Variants in MYL4 observed in about 807,000 individuals in gnomAD.
MYL4 encodes the protein atrial myosin light chain 1.
In MYL4, 16 loss-of-function variants were observed where a neutral mutation model predicts 21.6. The observed-to-expected ratio is 0.74, with a 90% CI of 0.50 to 1.12. The LOEUF (loss-of-function observed/expected upper bound fraction) is 1.12, where lower values mean the gene tolerates loss of function less well. Ranked by LOEUF, MYL4 falls within the 50% of genes most tolerant of loss-of-function variation. The pLI is 0.00. For synonymous variants in MYL4, 82 were observed against 95.7 expected, an observed-to-expected ratio of 0.86 and a Z score of 0.83; for missense variants, 249 against 252.9, an observed-to-expected ratio of 0.98 and a Z score of 0.11.
chr17:47,219,809 A>G (rs1345419535), intron 2 of MYL4, 95 bp from the exon 3 acceptor site: 2 of 1,451,390 alleles, frequency 1.4e-6, no homozygotes, highest in Admixed American at 1.7e-5. Context: ...TAACAACCAC[A>G]CTCACCTGCT....
chr17:47,190,614 G>A, the MYL4 span, among the ~76,000 whole-genome samples: 1 of 151,964 alleles, frequency 6.6e-6, no homozygotes, highest in Admixed American at 6.6e-5. Flanking sequence ...CTTCTCCACC[G>A]CCTTGTCTTG....
upstream of MYL4, among the ~76,000 whole-genome samples, chr17:47,204,731 GAAA>G (rs11307481): frequency 1.6e-4 from 22 of 141,436 alleles, no homozygotes; most frequent in Non-Finnish European, 2.1e-4. Flanking sequence ...ACCCTGTCTC[GAAA>G]AAAAAAAAAA....
chr17:47,220,232 C>T (rs532668084), intron 3 of MYL4, among the ~76,000 whole-genome samples, 179 bp downstream of exon 3: 6 of 152,252 alleles, frequency 3.9e-5, no homozygotes, highest in East Asian at 1.9e-4. Flanking sequence ...TAGACGTCCC[C>T]GTACTTAAGT....
intron 1 of MYL4, among the ~76,000 whole-genome samples, chr17:47,201,086 C>T (rs1304910293): frequency 3.3e-5 from 5 of 152,134 alleles, no homozygotes; most frequent in Admixed American, 3.3e-4. Context: ...GCAGAAGAAT[C>T]GCTTGAACTA....
At chr17:47,221,414 G>C (rs928574481) in intron 3 of MYL4, among the ~76,000 whole-genome samples, 9 of 152,152 alleles carry the variant, frequency 5.9e-5, no homozygotes, top group Non-Finnish European at 1.3e-4. Context: ...TTAGAGGTCT[G>C]GGTGGAGGGC....
upstream of MYL4, among the ~76,000 whole-genome samples, chr17:47,205,062 G>A (rs1397268799): frequency 2.6e-5 from 4 of 152,204 alleles, no homozygotes; most frequent in Non-Finnish European, 5.9e-5. Flanking sequence ...ATGAAGGGAG[G>A]AGGAGGAGTG....
At chr17:47,199,491 G>A (rs932875999), upstream of MYL4, among the ~76,000 whole-genome samples, 7 of 151,844 alleles carry the variant, frequency 4.6e-5, no homozygotes, top group African/African-American at 1.5e-4. Context: ...CAGCCTGCAG[G>A]TACTTCTACT....
At chr17:47,209,687 AG>A (rs752709363) in intron 1 of MYL4, 130 bp downstream of exon 1, 1 of 1,390,992 alleles carries the variant, frequency 7.2e-7, no homozygotes, top group Non-Finnish European at 1.0e-6. Flanking sequence ...CCCAGATCGC[AG>A]TCCCATGGGG....
chr17:47,225,247 GTCTATA>G (rs997713847), downstream of MYL4, among the ~76,000 whole-genome samples: 15 of 152,194 alleles, frequency 9.9e-5, no homozygotes, highest in African/African-American at 3.6e-4. Flanking sequence ...CAAGGCCAAG[GTCTATA>G]TACATGCCCT....
At chr17:47,200,068 T>A (rs1651230921), upstream of MYL4, among the ~76,000 whole-genome samples, 1 of 150,234 alleles carries the variant, frequency 6.7e-6, no homozygotes, top group East Asian at 1.9e-4. Flanking sequence ...AATGAATGAA[T>A]GAGAGTAATC....
At chr17:47,204,278 C>A (rs928634330), upstream of MYL4, among the ~76,000 whole-genome samples, 2 of 152,166 alleles carry the variant, frequency 1.3e-5, no homozygotes, top group African/African-American at 4.8e-5. Flanking sequence ...TCAAAGCCAC[C>A]CTTCTACCAC....
chr17:47,218,917 C>T (rs1361995524), intron 2 of MYL4, among the ~76,000 whole-genome samples: 2 of 152,242 alleles, frequency 1.3e-5, no homozygotes, highest in African/African-American at 2.4e-5. Context: ...AGTCCAGTCC[C>T]TGTGGTTCTG....
intron 1 of MYL4, among the ~76,000 whole-genome samples, chr17:47,212,540 A>G (rs576529374): frequency 6.6e-6 from 1 of 152,226 alleles, no homozygotes; most frequent in Non-Finnish European, 1.5e-5. Context: ...GTGTCAGAAG[A>G]CAAAATTAGA....
chr17:47,200,391 T>G (rs1253770032), upstream of MYL4: 1 of 152,192 alleles, frequency 6.6e-6, no homozygotes, highest in African/African-American at 2.4e-5. Context: ...CCTTGCCCCC[T>G]TGGGGGCTAA....
downstream of MYL4, among the ~76,000 whole-genome samples, chr17:47,226,866 T>C (rs1216636778): frequency 2.0e-5 from 3 of 152,140 alleles, no homozygotes; most frequent in East Asian, 3.9e-4. Flanking sequence ...TTCTCTCTCT[T>C]TTTTTTGAAA....
downstream of MYL4, among the ~76,000 whole-genome samples, chr17:47,225,086 T>C (rs577912031): frequency 1.3e-5 from 2 of 152,332 alleles, no homozygotes; most frequent in East Asian, 3.9e-4. Context: ...ATCCTTCCCA[T>C]GGCCTTTCTG....
intron 2 of MYL4, among the ~76,000 whole-genome samples, chr17:47,215,513 T>C (rs1368901231): frequency 6.6e-6 from 1 of 152,242 alleles, no homozygotes; most frequent in Non-Finnish European, 1.5e-5. Context: ...GTTTTCTCAT[T>C]GTCATCTTGG....
downstream of MYL4, among the ~76,000 whole-genome samples, chr17:47,227,642 A>G (rs2064890325): frequency 6.6e-6 from 1 of 152,160 alleles, no homozygotes. Flanking sequence ...GGCCTTGAAG[A>G]TTATCCACTT....
intron 1 of MYL4, among the ~76,000 whole-genome samples, 196 bp from the exon 2 acceptor site, chr17:47,213,602 AT>A (rs1178896286): frequency 1.3e-5 from 2 of 152,176 alleles, no homozygotes; most frequent in African/African-American, 4.8e-5. Flanking sequence ...ACGGTATTTT[AT>A]AGCCTGTCAG....
Sources: gnomAD v4.1 joint callset for allele counts (sites outside exome capture counted in the v4.1 genomes callset) on GRCh38, gnomAD v4.1.1 for gene constraint, MANE v1.5 for transcripts, NCBI Gene and HGNC (gene_info 2026-07-23, HGNC 2026-07-21) for gene names.